The following ANKRD36C variants were observed in gnomAD, a reference collection of about 807,000 sequenced individuals.
The protein encoded by ANKRD36C is ankyrin repeat domain-containing protein 36C.
In ANKRD36C, 61 loss-of-function variants were observed where a neutral mutation model predicts 276.4. The observed-to-expected ratio is 0.22, with a 90% confidence interval of 0.18 to 0.27. The LOEUF is 0.27. Ranked by LOEUF, ANKRD36C falls within the 10% of genes least tolerant of loss-of-function variation. The probability of loss-of-function intolerance (pLI) is 1.00; values close to 1 mark genes in which losing one functional copy is unlikely to be tolerated. For missense variants in ANKRD36C, 1,447 were observed against 2,032.3 expected (o/e 0.71, Z 5.54); for synonymous variants, 483 against 680.1 (o/e 0.71, Z 4.51).
intron 12 of ANKRD36C, among the ~76,000 whole-genome samples, chr2:95,957,428 T>C (rs1573802726): frequency 1.3e-5 from 2 of 152,310 alleles, no homozygotes; most frequent in African/African-American, 2.4e-5. Context: ...GTGTCCTGAA[T>C]TGGTCAGCTT....
At chr2:95,879,167 G>A (rs1465908548) in intron 58 of ANKRD36C, among the ~76,000 whole-genome samples, 2 of 152,138 alleles carry the variant, frequency 1.3e-5, no homozygotes, top group Non-Finnish European at 2.9e-5. Flanking sequence ...GGAACAGGAG[G>A]ACATTATGTC....
intron 58 of ANKRD36C, among the ~76,000 whole-genome samples, chr2:95,878,990 T>C (rs1193377282): frequency 1.3e-5 from 2 of 152,300 alleles, no homozygotes; most frequent in Middle Eastern, 3.4e-3. Context: ...ATCAGTATTA[T>C]AAAAGAGAAA....
At chr2:95,918,140 T>G (rs1213554469) in intron 34 of ANKRD36C, 98 bp from the exon 37 acceptor site, 11 of 1,509,492 alleles carry the variant, frequency 7.3e-6, no homozygotes, top group Non-Finnish European at 9.0e-6. Context: ...TCCTTCTGCC[T>G]GTACTAGTGT....
intron 46 of ANKRD36C, among the ~76,000 whole-genome samples, chr2:95,890,241 A>G (rs982598745): frequency 2.6e-5 from 4 of 151,496 alleles, no homozygotes; most frequent in Non-Finnish European, 4.4e-5. Flanking sequence ...AAACTAAAAT[A>G]AAGCCCTGTC....
At chr2:95,883,215 CATACTT>C (rs762716774) in intron 54 of ANKRD36C, among the ~76,000 whole-genome samples, 35 of 152,108 alleles carry the variant, frequency 2.3e-4, no homozygotes, top group South Asian at 8.3e-4. Context: ...TCAAATTTGA[CATACTT>C]ATACAAAATA....
At chr2:95,908,334 C>G (rs1351476681) in intron 42 of ANKRD36C, among the ~76,000 whole-genome samples, 168 bp downstream of exon 48, 1 of 150,930 alleles carries the variant, frequency 6.6e-6, no homozygotes, top group East Asian at 2.0e-4. Context: ...AGATCATGTT[C>G]CAGACCAGCA....
At chr2:95,968,475 G>A (rs994884656) in intron 6 of ANKRD36C, among the ~76,000 whole-genome samples, 1 of 152,086 alleles carries the variant, frequency 6.6e-6, no homozygotes, top group African/African-American at 2.4e-5. Flanking sequence ...CATGATTTCT[G>A]GACAAATGAA....
intron 26 of ANKRD36C, among the ~76,000 whole-genome samples, chr2:95,928,201 G>A (rs1033292317): frequency 6.6e-6 from 1 of 151,574 alleles, no homozygotes; most frequent in African/African-American, 2.4e-5. Context: ...CACCACTGTA[G>A]GAGTTAATTA....
chr2:95,923,564 T>C (rs1351345396), exon 32 of ANKRD36C: 2 of 1,610,396 alleles, frequency 1.2e-6, no homozygotes, highest in Admixed American at 1.7e-5. Context: ...TTGTCACTTG[T>C]AGCCTGAAAG....
At chr2:95,876,825 GC>G (rs1163733320) in intron 58 of ANKRD36C, among the ~76,000 whole-genome samples, 1 of 132,456 alleles carries the variant, frequency 7.5e-6, no homozygotes, top group African/African-American at 2.8e-5. Flanking sequence ...TGCACCTCCA[GC>G]CTGGGTGGCA....
At position 95,876,285 on chromosome 2, in the gene ANKRD36C, A is replaced by G. The variant is rs1675951127; in HGVS notation, c.3540+154T>C. ...AGATTCCAACACTATTTTAAGTTTTATAACTAGTTAAATGTTTTTAAAATG... is the reference window on the plus strand; with the variant it reads ...AGATTCCAACACTATTTTAAGTTTTGTAACTAGTTAAATGTTTTTAAAATG... On this transcript the variant is annotated intron_variant, in intron 59 of 66. Coordinates refer to ENST00000456556, the Ensembl canonical transcript of ANKRD36C. 20 of 707,412 alleles carry G rather than the reference A, an allele frequency of 2.8e-5. No homozygotes were observed. The South Asian group carries it at 3.6e-4, about 13-fold the overall frequency. The allele number at this position is 707,412 out of a possible 1,614,324, so 43.8% of individuals were successfully genotyped here.
chr2:95,857,632 G>C, intron 61 of ANKRD36C, 140 bp from the exon 82 acceptor site: 4 of 642,158 alleles, frequency 6.2e-6, no homozygotes, highest in South Asian at 2.2e-5. Context: ...GGTTTTATTT[G>C]ACCCTGTATA....
chr2:95,914,844 GT>G (rs1304936089), intron 38 of ANKRD36C, among the ~76,000 whole-genome samples: 2 of 151,502 alleles, frequency 1.3e-5, no homozygotes, highest in East Asian at 3.9e-4. Flanking sequence ...TTGGATACCT[GT>G]TTGCTGATAC....
intron 32 of ANKRD36C, among the ~76,000 whole-genome samples, chr2:95,922,232 T>C (rs554689351): frequency 6.6e-6 from 1 of 151,720 alleles, no homozygotes; most frequent in South Asian, 2.1e-4. Context: ...TTCATCATGT[T>C]CATTAACTTG....
At chr2:95,974,776 T>C (rs1678770604) in intron 6 of ANKRD36C, among the ~76,000 whole-genome samples, 1 of 151,320 alleles carries the variant, frequency 6.6e-6, no homozygotes, top group Admixed American at 6.6e-5. Context: ...TAGCATTAGG[T>C]AGATCTCCTA....
intron 56 of ANKRD36C, among the ~76,000 whole-genome samples, 175 bp from the exon 77 acceptor site, chr2:95,880,798 T>C (rs1676060041): frequency 6.6e-6 from 1 of 152,096 alleles, no homozygotes; most frequent in Non-Finnish European, 1.5e-5. Context: ...ATGAAGAAAA[T>C]AGGAATACAA....
chr2:95,948,426 A>G (rs1445975082), intron 17 of ANKRD36C, 104 bp downstream of exon 17: 1 of 1,212,798 alleles, frequency 8.2e-7, no homozygotes, highest in Non-Finnish European at 1.1e-6. Flanking sequence ...TTTTAATACT[A>G]ACATAAAACA....
At chr2:95,933,433 G>T (rs1283203609) in intron 24 of ANKRD36C, among the ~76,000 whole-genome samples, 1 of 152,144 alleles carries the variant, frequency 6.6e-6, no homozygotes, top group Non-Finnish European at 1.5e-5. Context: ...CCATTTGTTT[G>T]TGTCCTCTCT....
At chr2:95,883,640 C>T (rs941134329) in intron 54 of ANKRD36C, among the ~76,000 whole-genome samples, 1 of 152,012 alleles carries the variant, frequency 6.6e-6, no homozygotes, top group African/African-American at 2.4e-5. Context: ...TGCATCTGAA[C>T]TCACGTTTCC....
Sources: allele counts gnomAD v4.1 joint callset (sites outside exome capture counted in the v4.1 genomes callset), GRCh38; gene constraint gnomAD v4.1.1; transcripts MANE v1.5; gene names NCBI Gene and HGNC (gene_info 2026-07-23, HGNC 2026-07-21).